SCAMP1: variants seen among roughly 807,000 people sequenced by gnomAD.
SCAMP1 encodes the protein secretory carrier-associated membrane protein 1.
Under a neutral mutation model 41.8 loss-of-function variants are expected in SCAMP1, and 15 were observed. The ratio of observed to expected loss-of-function variants is 0.36; its 90% CI spans 0.24 to 0.55. SCAMP1 has a LOEUF of 0.55. SCAMP1 is among the 20% of genes least tolerant of loss of function. SCAMP1 has a pLI of 0.86. For synonymous variants in SCAMP1, 135 were observed against 136.8 expected, an observed-to-expected ratio of 0.99 and a Z score of 0.09; for missense variants, 341 against 412.6, an observed-to-expected ratio of 0.83 and a Z score of 1.50.
intron 2 of SCAMP1, among the ~76,000 whole-genome samples, chr5:78,397,108 T>G (rs56007750): frequency 1.3e-5 from 2 of 151,954 alleles, no homozygotes; most frequent in African/African-American, 4.8e-5. Flanking sequence ...ATAGTTACAG[T>G]AATCAAGACA....
chr5:78,469,208 A>G lies in SCAMP1; in HGVS notation c.853-6296A>G, dbSNP rs556431139. On this transcript the variant is annotated intron_variant, in intron 8 of 8. Transcript: ENST00000621999. ...AACTTTATTTATGACCTAGGATAGA[A>G]AGCTGATAATTCCACTGTACTATTT... Among the ~76,000 whole-genome samples, 31 of 152,250 alleles carry G rather than the reference A, an allele frequency of 2.0e-4. No individual in the cohort carries two copies. In the South Asian group the frequency reaches 4.1e-3, roughly 20 times the overall value.
chr5:78,416,528 ATTTT>A lies in SCAMP1; in HGVS notation c.235-10_235-7del. 6.4e-7 allele frequency: 1 copy of A among 1,561,040 alleles called. No homozygotes were observed. The highest frequency in any genetic ancestry group is 8.7e-7 in the Non-Finnish European group (1 of 1,151,372). ...TCTGACAGTCTATTCACATATTGAT[ATTTT>A]TTATTTAGGAACATGCATTGGCCCA... is the stretch of plus-strand genomic sequence containing the variant. On this transcript the variant is annotated splice_polypyrimidine_tract_variant and intron_variant, in intron 3 of 8. Transcript: ENST00000621999.
At chr5:78,443,330 T>C (rs1019803) in intron 6 of SCAMP1, among the ~76,000 whole-genome samples, 124,113 of 152,028 alleles carry the variant, frequency 0.82, 51,308 homozygotes, top group East Asian at 0.92. Flanking sequence ...TCTGTTTGCT[T>C]ATCCGTAAAA....
In SCAMP1 at chr5:78,421,929, T is replaced by A; in HGVS notation, c.601T>A (p.Cys201Ser). The A allele has an allele frequency of 6.2e-7, 1 of 1,613,704 alleles. No individual in the cohort carries two copies. Among genetic ancestry groups the A allele is most frequent in the Non-Finnish European group, 8.5e-7 (1 of 1,179,796 alleles). Residue 201 changes from cysteine (C) to serine (S), a missense_variant, in exon 6 of 9, where the codon TGT becomes AGT. Coordinates refer to ENST00000621999, the MANE Select transcript of SCAMP1 (RefSeq NM_004866.6). ...FLLFTPCSFV[C>S]WYRPLYGAFR... Reference sequence around the variant, plus strand: ...GCTTTTTACTCCTTGTTCATTTGTCTGTTGGTACAGACCACTTTATGGAGC... The same window carrying A: ...GCTTTTTACTCCTTGTTCATTTGTCAGTTGGTACAGACCACTTTATGGAGC...
At chr5:78,474,929 G>A (rs1020250503) in intron 8 of SCAMP1, among the ~76,000 whole-genome samples, 2 of 152,152 alleles carry the variant, frequency 1.3e-5, no homozygotes, top group African/African-American at 2.4e-5. Flanking sequence ...ATTCCCAGAA[G>A]TGTTTCTTTG....
intron 6 of SCAMP1, among the ~76,000 whole-genome samples, chr5:78,436,578 T>A (rs1490676857): frequency 6.6e-6 from 1 of 152,214 alleles, no homozygotes; most frequent in Non-Finnish European, 1.5e-5. Flanking sequence ...GTTCCATTGG[T>A]CTAAATATCT....
At position 78,479,257 on chromosome 5, in the gene SCAMP1, C is replaced by T. The variant is rs1034702647; in HGVS notation, c.*3589C>T. On this transcript the variant is annotated 3_prime_UTR_variant, in exon 9 of 9. Coordinates refer to ENST00000621999, the MANE Select transcript of SCAMP1 (RefSeq NM_004866.6). ...ATTTGTTCATTTCATGTGATTAAGCCCTTTAGAGATGAAATAAGATTGGTT... is the reference window on the plus strand; with the variant it reads ...ATTTGTTCATTTCATGTGATTAAGCTCTTTAGAGATGAAATAAGATTGGTT... Among the ~76,000 whole-genome samples, 1 of 151,658 alleles carries T rather than the reference C, an allele frequency of 6.6e-6. No homozygotes were observed. Among genetic ancestry groups the T allele is most frequent in the African/African-American group, 2.4e-5 (1 of 41,244 alleles).
chr5:78,376,493 C>T (rs966516206), intron 1 of SCAMP1, among the ~76,000 whole-genome samples: 21 of 152,106 alleles, frequency 1.4e-4, no homozygotes, highest in East Asian at 1.9e-4. Flanking sequence ...TTATTATTGC[C>T]GGTCTAAAGT....
chr5:78,368,722 AATT>A (rs1300970051), intron 1 of SCAMP1, among the ~76,000 whole-genome samples: 1 of 152,190 alleles, frequency 6.6e-6, no homozygotes, highest in African/African-American at 2.4e-5. Flanking sequence ...TAGGAAGAAC[AATT>A]TAAGTTTCAA....
At chr5:78,451,902 G>A (rs1025612319) in intron 7 of SCAMP1, among the ~76,000 whole-genome samples, 4 of 152,256 alleles carry the variant, frequency 2.6e-5, no homozygotes, top group East Asian at 3.9e-4. Flanking sequence ...TGATCTGCCC[G>A]CCTCAGCCTT....
chr5:78,474,191 A>G (rs1580725112), intron 8 of SCAMP1, among the ~76,000 whole-genome samples: 3 of 152,106 alleles, frequency 2.0e-5, no homozygotes, highest in African/African-American at 7.2e-5. Context: ...CCATTAATGC[A>G]AGCTTCACCT....
intron 1 of SCAMP1, 169 bp downstream of exon 1, chr5:78,360,897 T>G (rs2112025803): frequency 1.6e-6 from 1 of 644,784 alleles, no homozygotes; most frequent in Admixed American, 2.7e-5. Flanking sequence ...CCCGTGTCAC[T>G]CCTTTGGGTT....
chr5:78,386,670 T>C (rs1580654328), intron 1 of SCAMP1, among the ~76,000 whole-genome samples: 1 of 152,216 alleles, frequency 6.6e-6, no homozygotes, highest in Non-Finnish European at 1.5e-5. Context: ...TGGCAAATTC[T>C]CTCAGCATTT....
intron 2 of SCAMP1, among the ~76,000 whole-genome samples, chr5:78,409,548 G>A (rs1192696747): frequency 6.6e-6 from 1 of 152,134 alleles, no homozygotes; most frequent in East Asian, 1.9e-4. Context: ...TCGTCCTCCA[G>A]AATTCTACTT....
chr5:78,468,665 G>A (rs1175567935), intron 8 of SCAMP1, among the ~76,000 whole-genome samples: 2 of 151,966 alleles, frequency 1.3e-5, no homozygotes, highest in Non-Finnish European at 2.9e-5. Context: ...AAGAATTTTA[G>A]AAAAAAGTTA....
At chr5:78,364,026 G>C (rs572710675) in intron 1 of SCAMP1, among the ~76,000 whole-genome samples, 2 of 152,284 alleles carry the variant, frequency 1.3e-5, no homozygotes, top group South Asian at 4.1e-4. Context: ...GCTATAGAGG[G>C]AAAAATATTT....
intron 2 of SCAMP1, among the ~76,000 whole-genome samples, chr5:78,398,541 ATTTTTTTTTTTTT>A (rs57209214): frequency 6.8e-5 from 3 of 44,226 alleles, no homozygotes; most frequent in South Asian, 1.2e-3. Context: ...AAGGTTCACT[ATTTTTTTTTTTTT>A]TTTTTTTTTT....
At chr5:78,412,048 C>T (rs576262658) in intron 2 of SCAMP1, among the ~76,000 whole-genome samples, 3 of 152,076 alleles carry the variant, frequency 2.0e-5, no homozygotes, top group African/African-American at 7.2e-5. Flanking sequence ...ATTTTGTAAG[C>T]TGCCTGTTCA....
intron 6 of SCAMP1, among the ~76,000 whole-genome samples, chr5:78,423,645 GCCTTTTATT>G (rs1206501198): frequency 6.6e-6 from 1 of 151,062 alleles, no homozygotes; most frequent in Non-Finnish European, 1.5e-5. Context: ...CCAGCTTTGT[GCCTTTTATT>G]TCCTGAAGTC....
Sources: gnomAD v4.1 joint callset for allele counts (sites outside exome capture counted in the v4.1 genomes callset) on GRCh38, gnomAD v4.1.1 for gene constraint, MANE v1.5 for transcripts, NCBI Gene and HGNC (gene_info 2026-07-23, HGNC 2026-07-21) for gene names.